PHC1: variants seen among roughly 807,000 people sequenced by gnomAD.
PHC1 encodes the protein polyhomeotic-like protein 1.
In PHC1, 12 loss-of-function variants were observed where a neutral mutation model predicts 104.3. That is an observed-to-expected ratio of 0.12 (90% CI 0.07 to 0.19). The LOEUF (loss-of-function observed/expected upper bound fraction) is 0.19, where lower values mean the gene tolerates loss of function less well. PHC1 is among the 10% of genes least tolerant of loss of function. PHC1 has a pLI of 1.00. For missense variants in PHC1, 671 were observed against 1,200.0 expected (o/e 0.56, Z 6.51); for synonymous variants, 302 against 455.8 (o/e 0.66, Z 4.30).
intron 5 of PHC1, among the ~76,000 whole-genome samples, chr12:8,922,098 A>G (rs111526877): frequency 0.22 from 33,442 of 152,108 alleles, 3,945 homozygotes; most frequent in Admixed American, 0.29. Context: ...ACAGGCGTGA[A>G]CCACCGCGCC....
chr12:8,935,043 T>C, intron 10 of PHC1, 81 bp from the exon 11 acceptor site: 2 of 692,972 alleles, frequency 2.9e-6, no homozygotes, highest in Non-Finnish European at 5.0e-6. Flanking sequence ...AGAGACATAA[T>C]TGATGGGGAA....
rs767738993 is a variant in PHC1, at chr12:8,922,685, C to G, written c.509C>G (p.Pro170Arg). The G allele has an allele frequency of 1.2e-6, 2 of 1,604,998 alleles. No homozygotes were observed. Among genetic ancestry groups the G allele is most frequent in the Non-Finnish European group, 1.7e-6 (2 of 1,175,854 alleles). Residue 170 changes from proline to arginine, a missense_variant, in exon 6 of 15, where the codon CCT becomes CGT. Physicochemically the swap from Pro to Arg is moderately radical, Grantham distance 103. This residue lies in a region of PHC1 where 237 missense variants were observed against 331.1 expected (regional missense o/e 0.72). Transcript: ENST00000544916. ...QVNRTLGRNV[P>R]LASQLILMPN... ...AACCGAACCCTGGGTCGGAATGTGCCTCTAGCCTCCCAACTCATCCTGATG... is the reference window on the plus strand; with the variant it reads ...AACCGAACCCTGGGTCGGAATGTGCGTCTAGCCTCCCAACTCATCCTGATG...
chr12:8,925,942 G>A (rs768381944), intron 6 of PHC1, among the ~76,000 whole-genome samples: 4 of 152,136 alleles, frequency 2.6e-5, no homozygotes, highest in Non-Finnish European at 5.9e-5. Flanking sequence ...TTCATACTGG[G>A]GGTAGCAATG....
chr12:8,938,912 G>A (rs757653132), intron 14 of PHC1, among the ~76,000 whole-genome samples: 13 of 152,214 alleles, frequency 8.5e-5, no homozygotes, highest in South Asian at 2.1e-4. Flanking sequence ...TGCAACCTCC[G>A]CATCCTGGGC....
chr12:8,932,449 G>A (rs893368954), intron 7 of PHC1, 114 bp from the exon 8 acceptor site: 54 of 1,095,940 alleles, frequency 4.9e-5, no homozygotes, highest in Non-Finnish European at 5.9e-5. Context: ...TCTTTTCACC[G>A]CATAATTCCA....
At position 8,940,586 on chromosome 12, in the gene PHC1, G is replaced by C. The variant is rs1270670414; in HGVS notation, c.*1127G>C. 1 of 79,164 alleles carries C rather than the reference G, an allele frequency of 1.3e-5. No individual in the cohort carries two copies. Among genetic ancestry groups the C allele is most frequent in the Non-Finnish European group, 2.5e-5 (1 of 40,728 alleles). 4.9% of individuals were successfully genotyped at this position (79,164 alleles called of 1,614,324 possible). ...TTTTCTTTTCCTAAGGCTTATAAAAGGCCCCCTGCCTGTTGATTCCATCCC... is the reference window on the plus strand; with the variant it reads ...TTTTCTTTTCCTAAGGCTTATAAAACGCCCCCTGCCTGTTGATTCCATCCC... On this transcript the variant is annotated 3_prime_UTR_variant, in exon 15 of 15. Coordinates refer to ENST00000544916, the MANE Select transcript of PHC1 (RefSeq NM_004426.3).
At chr12:8,936,744 G>T in intron 11 of PHC1, 112 bp from the exon 12 acceptor site, 1 of 703,172 alleles carries the variant, frequency 1.4e-6, no homozygotes, top group Non-Finnish European at 2.5e-6. Context: ...GGTTGTGTAG[G>T]TTTTTGGGGG....
Position 8,930,844 on chromosome 12 carries a change from C to T in PHC1, c.1022C>T (p.Ala341Val). 6.6e-7 allele frequency: 1 copy of T among 1,519,552 alleles called. No homozygotes were observed. Among genetic ancestry groups the T allele is most frequent in the South Asian group, 1.3e-5 (1 of 76,624 alleles). 94.1% of individuals were successfully genotyped at this position (1,519,552 alleles called of 1,614,324 possible). A position where few individuals can be genotyped will look rare whatever the true frequency, so the allele number is the denominator to read the frequency against. Residue 341 changes from alanine (A) to valine (V), a missense_variant, in exon 7 of 15, where the codon GCA becomes GTA. Coordinates refer to ENST00000544916, the MANE Select transcript of PHC1 (RefSeq NM_004426.3). Reference protein sequence around the residue: ...AESAAAKKAEADGSGQQNVGM... With the variant: ...AESAAAKKAEVDGSGQQNVGM... ...AGTGCAGCAGCCAAGAAGGCAGAAG[C>T]AGATGGGAGTGGCCAGCAGAATGTG...
intron 5 of PHC1, among the ~76,000 whole-genome samples, chr12:8,922,418 G>C (rs1805740): frequency 3.3e-5 from 5 of 151,774 alleles, no homozygotes; most frequent in Admixed American, 3.3e-4. Flanking sequence ...TGTGACTCTT[G>C]GACATCAATC....
In PHC1 at chr12:8,930,631, G is replaced by A. The variant is rs1385361914; in HGVS notation, c.809G>A (p.Gly270Asp). The change falls in exon 7 of 15, where the codon GGC becomes GAC. Residue 270 changes from glycine to aspartate, a missense_variant. Physicochemically the swap from Gly to Asp is moderately conservative, Grantham distance 94. Around this residue, in one of 9 missense-constraint regions of PHC1, gnomAD observed 237 missense variants for 331.1 expected, o/e 0.72. Coordinates refer to ENST00000544916, the MANE Select transcript of PHC1 (RefSeq NM_004426.3). ...CTCAACCTTAGTCAAGCTGGTGGAG[G>A]CAGTGGGAATAGCATCCCAGGGTCC... ...QSLNLSQAGG[G>D]SGNSIPGSMG... The A allele has an allele frequency of 6.7e-6, 10 of 1,486,878 alleles. No homozygotes were observed. The highest frequency in any genetic ancestry group is 9.1e-6 in the Non-Finnish European group (10 of 1,097,122). The allele number at this position is 1,486,878 out of a possible 1,614,324, so 92.1% of individuals were successfully genotyped here. A position where few individuals can be genotyped will look rare whatever the true frequency, so the allele number is the denominator to read the frequency against.
At position 8,937,278 on chromosome 12, in the gene PHC1, C is replaced by T. The variant is rs774895918; in HGVS notation, c.2580C>T (p.Arg860=). 6.2e-7 allele frequency: 1 copy of T among 1,612,086 alleles called. No individual in the cohort carries two copies. Among genetic ancestry groups the T allele is most frequent in the Non-Finnish European group, 8.5e-7 (1 of 1,179,052 alleles). Residue 860 remains arginine, a synonymous_variant, in exon 13 of 15, where the codon CGC becomes CGT. Coordinates refer to ENST00000544916, the MANE Select transcript of PHC1 (RefSeq NM_004426.3). ...YARVRRRGPR[R]SSSDIARAKI... ...GCGTTCGCAGGCGTGGACCCCGCCG[C>T]AGCTCCTCTGACATTGCCCGTGCCA...
At chr12:8,936,463 A>G (rs757557456) in intron 11 of PHC1, among the ~76,000 whole-genome samples, 36 of 152,170 alleles carry the variant, frequency 2.4e-4, no homozygotes, top group Non-Finnish European at 4.6e-4. Flanking sequence ...TAGATTTTAT[A>G]ATCTATCTTA....
chr12:8,933,531 T>C (rs1945750692), intron 8 of PHC1, 181 bp downstream of exon 8: 1 of 872,990 alleles, frequency 1.1e-6, no homozygotes, highest in Non-Finnish European at 1.7e-6. Flanking sequence ...TACTCCTAAA[T>C]TTGTTGCTGA....
intron 1 of PHC1, chr12:8,915,622 C>T (rs1331963099): frequency 2.0e-5 from 3 of 152,188 alleles, no homozygotes; most frequent in Non-Finnish European, 4.4e-5. Flanking sequence ...TGTGGATCAG[C>T]TTCTCACTGT....
In PHC1 at chr12:8,934,542, A is replaced by C. The variant is rs1312174149; in HGVS notation, c.2253+64A>C. On this transcript the variant is annotated intron_variant, in intron 10 of 14. Coordinates refer to ENST00000544916, the MANE Select transcript of PHC1 (RefSeq NM_004426.3). ...ACTTGGTCTGATTGTTGTCTTTTCA[A>C]ACTCCAGTAAAAGTAAAAGGCACAG... 3 of 1,176,586 alleles carry C rather than the reference A, an allele frequency of 2.5e-6. No individual in the cohort carries two copies. In the Admixed American group the frequency reaches 6.7e-5, roughly 26 times the overall value. The allele number at this position is 1,176,586 out of a possible 1,614,324, so 72.9% of individuals were successfully genotyped here. A position where few individuals can be genotyped will look rare whatever the true frequency, so the allele number is the denominator to read the frequency against.
At position 8,936,356 on chromosome 12, in the gene PHC1, C is replaced by T. The variant is rs951065342; in HGVS notation, c.2369-500C>T. Among the ~76,000 whole-genome samples, 14 of 152,164 alleles carry T rather than the reference C, an allele frequency of 9.2e-5. 1 individual carries two copies. The East Asian group carries it at 9.7e-4, about 10-fold the overall frequency. Reference sequence around the variant, plus strand: ...AAGATAGCACCACGGCACTCCAGCCCGGGTGACAGAGTGAGACTGTCTCAA... The same window carrying T: ...AAGATAGCACCACGGCACTCCAGCCTGGGTGACAGAGTGAGACTGTCTCAA... On this transcript the variant is annotated intron_variant, in intron 11 of 14. Transcript: ENST00000544916.
intron 6 of PHC1, among the ~76,000 whole-genome samples, chr12:8,923,936 G>C (rs974425338): frequency 2.0e-5 from 3 of 151,746 alleles, no homozygotes; most frequent in Non-Finnish European, 4.4e-5. Flanking sequence ...CATTTACATA[G>C]TACTTACATT....
upstream of PHC1, among the ~76,000 whole-genome samples, chr12:8,914,173 C>T (rs1024301489): frequency 2.6e-5 from 4 of 152,102 alleles, no homozygotes; most frequent in African/African-American, 7.2e-5. Flanking sequence ...CTCCCCGTCT[C>T]ACGTCACTTC....
chr12:8,935,174 C>G lies in PHC1; in HGVS notation c.2304C>G (p.Gly768=). 1.3e-6 allele frequency: 2 copies of G among 1,592,908 alleles called. No homozygotes were observed. Among genetic ancestry groups the G allele is most frequent in the Non-Finnish European group, 1.7e-6 (2 of 1,166,882 alleles). The change falls in exon 11 of 15, where the codon GGC becomes GGG. Residue 768 remains glycine, a synonymous_variant. Coordinates refer to ENST00000544916, the MANE Select transcript of PHC1 (RefSeq NM_004426.3). ...AGTCTGAGAAGCCACTACAGACTGG[C>G]CTTCCGACAGGGCTGACTGAGAATC... ...LKESEKPLQT[G]LPTGLTENQS...
Sources: gnomAD v4.1 joint callset for allele counts (sites outside exome capture counted in the v4.1 genomes callset) on GRCh38, gnomAD v4.1.1 for gene constraint, gnomAD v4.1.1 regional missense constraint, MANE v1.5 for transcripts, NCBI Gene and HGNC (gene_info 2026-07-23, HGNC 2026-07-21) for gene names.